Variants in RYR3 observed in about 807,000 individuals in gnomAD.
The protein encoded by RYR3 is brain ryanodine receptor-calcium release channel.
In RYR3, 207 loss-of-function variants were observed where a neutral mutation model predicts 584.3. The ratio of observed to expected loss-of-function variants is 0.35; its 90% confidence interval spans 0.32 to 0.40. The LOEUF (loss-of-function observed/expected upper bound fraction) is 0.40. Among genes scored for constraint, RYR3 ranks in the 10% least tolerant of loss-of-function variants. RYR3 has a pLI of 1.00. For synonymous variants in RYR3, 2,416 were observed against 2,248.5 expected (o/e 1.07, Z -2.11); for missense variants, 5,616 against 6,089.2 (o/e 0.92, Z 2.59).
chr15:33,378,657 A>G (rs2040931868), intron 1 of RYR3, among the ~76,000 whole-genome samples: 1 of 152,230 alleles, frequency 6.6e-6, no homozygotes, highest in African/African-American at 2.4e-5. Context: ...ATTAGGACAG[A>G]AAGCAGATTG....
intron 38 of RYR3, among the ~76,000 whole-genome samples, chr15:33,692,398 T>C (rs2065496987): frequency 6.6e-6 from 1 of 152,154 alleles, no homozygotes. Context: ...TATGTTGTGC[T>C]TTTCATGGCT....
intron 86 of RYR3, 30 bp downstream of exon 86, chr15:33,831,121 C>G (rs765673867): frequency 3.7e-6 from 6 of 1,600,154 alleles, no homozygotes; most frequent in Non-Finnish European, 5.1e-6. Flanking sequence ...TGGTTGAAAA[C>G]AAAGAGAACA....
In RYR3 at chr15:33,533,330, C is replaced by T. The variant is rs777707672; in HGVS notation, c.374C>T (p.Thr125Ile). 7 of 1,606,278 alleles carry T rather than the reference C, an allele frequency of 4.4e-6. No homozygotes were observed. The Admixed American group carries it at 6.8e-5, about 15-fold the overall frequency. ...FSGMYLTCLT[T>I]SRSQTDKLAF... Reference sequence around the variant, plus strand: ...TCACAGTATCTAACATGCTTGACTACATCAAGATCCCAGACAGACAAACTT... The same window carrying T: ...TCACAGTATCTAACATGCTTGACTATATCAAGATCCCAGACAGACAAACTT... The change falls in exon 5 of 104, where the codon ACA becomes ATA. Residue 125 changes from threonine (T) to isoleucine (I), a missense_variant. Transcript: ENST00000634891.
chr15:33,371,477 C>T (rs1337910388), intron 1 of RYR3, among the ~76,000 whole-genome samples: 4 of 152,202 alleles, frequency 2.6e-5, no homozygotes, highest in African/African-American at 7.2e-5. Flanking sequence ...AGTGAACAAA[C>T]ATACATTGAT....
intron 19 of RYR3, among the ~76,000 whole-genome samples, chr15:33,623,476 T>C (rs2060828980): frequency 6.6e-6 from 1 of 152,232 alleles, no homozygotes; most frequent in African/African-American, 2.4e-5. Context: ...TCATCACTAT[T>C]ATGTTTTTCA....
chr15:33,436,052 A>G (rs1014598575), intron 1 of RYR3, among the ~76,000 whole-genome samples: 2 of 152,136 alleles, frequency 1.3e-5, no homozygotes, highest in Non-Finnish European at 2.9e-5. Flanking sequence ...TGCATTTACA[A>G]TCCTCTAGCT....
At chr15:33,349,906 C>T (rs1973014082) in intron 1 of RYR3, among the ~76,000 whole-genome samples, 1 of 151,806 alleles carries the variant, frequency 6.6e-6, no homozygotes, top group African/African-American at 2.4e-5. Flanking sequence ...CATCCATGTC[C>T]CTACAAAGGA....
Position 33,603,123 on chromosome 15 carries a change from T to C in RYR3, c.1923T>C (p.Ser641=), listed in dbSNP as rs367743339. Residue 641 remains serine, a splice_region_variant and synonymous_variant, in exon 18 of 104, where the codon AGT becomes AGC. Coordinates refer to ENST00000634891, the MANE Select transcript of RYR3 (RefSeq NM_001036.6). ...LQTRLINDVT[S]IRPNIFLGVA... is the part of the protein sequence containing the mutation. Reference sequence around the variant, plus strand: ...GCCACTTGCCCATGTTTACTTTCAGTATCCGGCCAAACATCTTCCTGGGAG... The same window carrying C: ...GCCACTTGCCCATGTTTACTTTCAGCATCCGGCCAAACATCTTCCTGGGAG... 5.0e-6 allele frequency: 8 copies of C among 1,613,336 alleles called. No individual in the cohort carries two copies. The highest frequency in any genetic ancestry group is 6.8e-6 in the Non-Finnish European group (8 of 1,179,640).
intron 18 of RYR3, 53 bp downstream of exon 18, chr15:33,603,417 C>T (rs200562260): frequency 6.7e-7 from 1 of 1,495,936 alleles, no homozygotes. Flanking sequence ...ATGATGGAGG[C>T]TCAAATTATT....
chr15:33,657,490 T>C (rs140762701), intron 32 of RYR3, among the ~76,000 whole-genome samples: 1 of 152,314 alleles, frequency 6.6e-6, no homozygotes, highest in African/African-American at 2.4e-5. Flanking sequence ...GTTCTAGATG[T>C]CACATATTGG....
chr15:33,859,646 T>G lies in RYR3; in HGVS notation c.14214T>G (p.Ala4738=). The stretch of plus-strand genomic sequence containing the variant: ...TTGGTGATGAAATTGAAGACCCTGC[T>G]GGTGATCCTTATGAAATGTATCGCA... ...GGIGDEIEDP[A]GDPYEMYRIV... The change falls in exon 100 of 104, where the codon GCT becomes GCG. Residue 4738 remains alanine, a synonymous_variant. Coordinates refer to ENST00000634891, the MANE Select transcript of RYR3 (RefSeq NM_001036.6). 1 of 1,614,050 alleles carries G rather than the reference T, an allele frequency of 6.2e-7. No homozygotes were observed. The highest frequency in any genetic ancestry group is 1.6e-4 in the Middle Eastern group (1 of 6,062).
At chr15:33,747,354 G>A (rs1307592020) in intron 53 of RYR3, among the ~76,000 whole-genome samples, 2 of 136,886 alleles carry the variant, frequency 1.5e-5, no homozygotes, top group Middle Eastern at 9.4e-3. Context: ...CTATTAAATT[G>A]TACATAGACC....
intron 5 of RYR3, among the ~76,000 whole-genome samples, chr15:33,534,733 A>C (rs1308301168): frequency 6.6e-6 from 1 of 152,210 alleles, no homozygotes; most frequent in East Asian, 1.9e-4. Flanking sequence ...AGTTGAAAGG[A>C]GGCACATTTC....
chr15:33,528,778 C>T (rs1250873251), intron 3 of RYR3, among the ~76,000 whole-genome samples: 2 of 152,168 alleles, frequency 1.3e-5, no homozygotes, highest in Non-Finnish European at 2.9e-5. Flanking sequence ...GCCATTCTAG[C>T]ACTTGAAGCT....
At position 33,706,990 on chromosome 15, in the gene RYR3, C is replaced by G; in HGVS notation, c.6555C>G (p.Val2185=). ...PMLLAKGYPD[V]GWNPIEGERY... The stretch of plus-strand genomic sequence containing the variant: ...TTCTGGCCAAAGGATACCCTGATGT[C>G]GGCTGGAACCCCATTGAAGGGGAAC... Residue 2185 remains valine, a synonymous_variant, in exon 43 of 104, where the codon GTC becomes GTG. Transcript: ENST00000634891. 1 of 1,613,730 alleles carries G rather than the reference C, an allele frequency of 6.2e-7. No homozygotes were observed. Among genetic ancestry groups the G allele is most frequent in the Non-Finnish European group, 8.5e-7 (1 of 1,179,870 alleles).
Position 33,771,088 on chromosome 15 carries a change from C to T in RYR3, c.8817-832C>T, listed in dbSNP as rs572284642. On this transcript the variant is annotated intron_variant, in intron 62 of 103. Coordinates refer to ENST00000634891, the MANE Select transcript of RYR3 (RefSeq NM_001036.6). The stretch of plus-strand genomic sequence containing the variant: ...TCTGATTAAGCTGTCTACTTTAAAA[C>T]GGCTAGTTGTCTCTTTTCTCTTTCC... Among the ~76,000 whole-genome samples the T allele has an allele frequency of 6.5e-4, 99 of 151,950 alleles. 1 individual carries two copies. Among genetic ancestry groups the T allele is most frequent in the Middle Eastern group, 3.4e-3 (1 of 294 alleles).
chr15:33,590,911 T>C (rs1271428573), intron 16 of RYR3, among the ~76,000 whole-genome samples: 1 of 152,238 alleles, frequency 6.6e-6, no homozygotes, highest in Non-Finnish European at 1.5e-5. Context: ...TTTGCTAAAA[T>C]ATTTAAGTTG....
At chr15:33,489,550 A>G (rs935266682) in intron 2 of RYR3, among the ~76,000 whole-genome samples, 6 of 152,178 alleles carry the variant, frequency 3.9e-5, no homozygotes, top group African/African-American at 1.4e-4. Context: ...GCTCTTTTTT[A>G]TGGCTGCATA....
At chr15:33,539,074 C>A in intron 5 of RYR3, 1 of 226,230 alleles carries the variant, frequency 4.4e-6, no homozygotes, top group Non-Finnish European at 8.7e-6. Context: ...TTCCTATTTG[C>A]ATTAAAAATA....
Sources: gnomAD v4.1 joint callset for allele counts (sites outside exome capture counted in the v4.1 genomes callset) on GRCh38, gnomAD v4.1.1 for gene constraint, MANE v1.5 for transcripts, NCBI Gene and HGNC (gene_info 2026-07-23, HGNC 2026-07-21) for gene names.